The following LEMD3 variants were observed in gnomAD, a reference collection of about 807,000 sequenced individuals.
The protein encoded by LEMD3 is LEM domain containing 3.
In LEMD3, 33 loss-of-function variants were observed where a neutral mutation model predicts 95.2. That is an observed-to-expected ratio of 0.35 (90% CI 0.26 to 0.46). The LOEUF is 0.46. Among genes scored for constraint, LEMD3 ranks in the 20% least tolerant of loss-of-function variants. LEMD3 has a pLI of 1.00. For synonymous variants in LEMD3, 525 were observed against 474.6 expected (o/e 1.11, Z -1.38); for missense variants, 1,210 against 1,192.8 (o/e 1.01, Z -0.21).
intron 9 of LEMD3, among the ~76,000 whole-genome samples, chr12:65,241,332 T>C (rs1368786143): frequency 6.6e-6 from 1 of 152,020 alleles, no homozygotes; most frequent in East Asian, 1.9e-4. Context: ...TTTCACTTAA[T>C]GAAGCAACTT....
At position 65,184,556 on chromosome 12, in the gene LEMD3, A is replaced by G. The variant is rs150950039; in HGVS notation, c.1522+13438A>G. Among the ~76,000 whole-genome samples, 36 of 152,290 alleles carry G rather than the reference A, an allele frequency of 2.4e-4. No individual in the cohort carries two copies. The East Asian group carries it at 6.9e-3, about 29-fold the overall frequency. On this transcript the variant is annotated intron_variant, in intron 1 of 12. Transcript: ENST00000308330. Reference sequence around the variant, plus strand: ...CTTTAATTTCTGTTTTCCAACTTATACTGGCCTAAGCTTTCTGCTCTTTTA... The same window carrying G: ...CTTTAATTTCTGTTTTCCAACTTATGCTGGCCTAAGCTTTCTGCTCTTTTA...
rs1870617848 is a variant in LEMD3, at chr12:65,231,272, C to G, written c.1696-7230C>G. Among the ~76,000 whole-genome samples, 4 of 152,016 alleles carry G rather than the reference C, an allele frequency of 2.6e-5. No individual in the cohort carries two copies. In the South Asian group the frequency reaches 8.3e-4, roughly 31 times the overall value. ...CCACCATAGACGCAGTTTGTACTGT[C>G]AAAAGCAAAACAGAGAGAGCTTTAA... On this transcript the variant is annotated intron_variant, in intron 4 of 12. Coordinates refer to ENST00000308330, the MANE Select transcript of LEMD3 (RefSeq NM_014319.5).
chr12:65,191,308 G>A (rs955473549), intron 1 of LEMD3, among the ~76,000 whole-genome samples: 3 of 151,984 alleles, frequency 2.0e-5, no homozygotes, highest in Non-Finnish European at 2.9e-5. Flanking sequence ...GCTATGATAA[G>A]AATTTATTAT....
intron 1 of LEMD3, among the ~76,000 whole-genome samples, chr12:65,194,463 A>G (rs1417542441): frequency 1.3e-5 from 2 of 152,074 alleles, no homozygotes; most frequent in Admixed American, 6.6e-5. Context: ...TTGTGGATGC[A>G]ATCATAGCGG....
At chr12:65,181,636 T>A (rs1306510078) in intron 1 of LEMD3, among the ~76,000 whole-genome samples, 2 of 152,160 alleles carry the variant, frequency 1.3e-5, no homozygotes, top group Non-Finnish European at 2.9e-5. Context: ...AATAGTTGGC[T>A]AATTGAAGTA....
At chr12:65,192,592 A>G (rs1196109260) in intron 1 of LEMD3, among the ~76,000 whole-genome samples, 1 of 151,928 alleles carries the variant, frequency 6.6e-6, no homozygotes, top group Non-Finnish European at 1.5e-5. Context: ...TGTTTACCTT[A>G]TTATTTCTAG....
In LEMD3 at chr12:65,243,480, T is replaced by C. The variant is rs1870995598; in HGVS notation, c.2387+11T>C. The C allele has an allele frequency of 2.1e-6, 3 of 1,444,916 alleles. No homozygotes were observed. Among genetic ancestry groups the C allele is most frequent in the South Asian group, 2.3e-5 (2 of 87,544 alleles). 89.5% of individuals were successfully genotyped at this position (1,444,916 alleles called of 1,614,324 possible). A position where few individuals can be genotyped will look rare whatever the true frequency, so the allele number is the denominator to read the frequency against. On this transcript the variant is annotated intron_variant, in intron 10 of 12. Transcript: ENST00000308330. The stretch of plus-strand genomic sequence containing the variant: ...GTTTGATCCCGTTATGTAAGTATTA[T>C]GATCAGGGGTACATGTAACTCTTAT...
chr12:65,228,589 G>A (rs560886387), intron 4 of LEMD3, among the ~76,000 whole-genome samples: 4 of 151,840 alleles, frequency 2.6e-5, no homozygotes, highest in Non-Finnish European at 5.9e-5. Context: ...GTAGAGACAG[G>A]GTTTCACCAT....
chr12:65,171,130 A>G lies in LEMD3; in HGVS notation c.1522+12A>G, dbSNP rs1012975927. 3 of 1,607,808 alleles carry G rather than the reference A, an allele frequency of 1.9e-6. No homozygotes were observed. The highest frequency in any genetic ancestry group is 2.5e-6 in the Non-Finnish European group (3 of 1,180,010). Reference sequence around the variant, plus strand: ...TGGAGAACTCAGCAGTAAGTATTAAATCCTGTGGGTAAGGTAACAAAGAGA... The same window carrying G: ...TGGAGAACTCAGCAGTAAGTATTAAGTCCTGTGGGTAAGGTAACAAAGAGA... On this transcript the variant is annotated intron_variant, in intron 1 of 12. Transcript: ENST00000308330.
Position 65,245,724 on chromosome 12 carries a change from A to G in LEMD3, c.2443A>G (p.Ser815Gly). ...TCAAGAAGCAATTTTAGAAAAATGC[A>G]GTGATAATGATGGCATTGTTCACAT... is the stretch of plus-strand genomic sequence containing the variant. Reference protein sequence around the residue: ...AIQEAILEKCSDNDGIVHIAV... With the variant: ...AIQEAILEKCGDNDGIVHIAV... The change falls in exon 11 of 13, where the codon AGT (serine) becomes GGT (glycine). Residue 815 changes from serine (S) to glycine (G), a missense_variant. Ser to Gly is a moderately conservative substitution (Grantham distance 56). Coordinates refer to ENST00000308330, the MANE Select transcript of LEMD3 (RefSeq NM_014319.5). The G allele has an allele frequency of 1.2e-6, 2 of 1,613,982 alleles. No individual in the cohort carries two copies. Among genetic ancestry groups the G allele is most frequent in the Non-Finnish European group, 1.7e-6 (2 of 1,179,904 alleles).
At position 65,170,704 on chromosome 12, in the gene LEMD3, C is replaced by A. The variant is rs200288324; in HGVS notation, c.1108C>A (p.Pro370Thr). 7.2e-5 allele frequency: 117 copies of A among 1,614,120 alleles called. No homozygotes were observed. Among genetic ancestry groups the A allele is most frequent in the Non-Finnish European group, 9.4e-5 (111 of 1,180,046 alleles). ...NAKKLTPLLPPPLTDMDSTLD... is the reference protein window; with the variant it reads ...NAKKLTPLLPTPLTDMDSTLD... The stretch of plus-strand genomic sequence containing the variant: ...TAAGAAACTGACCCCTCTCCTGCCC[C>A]CGCCACTTACTGACATGGACTCAAC... Residue 370 changes from proline to threonine, a missense_variant, in exon 1 of 13, where the codon CCG (proline) becomes ACG (threonine). This residue lies in a region of LEMD3 where 749 missense variants were observed against 622.9 expected (regional missense o/e 1.20). Transcript: ENST00000308330.
At chr12:65,205,730 G>A (rs1213824321) in intron 1 of LEMD3, among the ~76,000 whole-genome samples, 1 of 152,042 alleles carries the variant, frequency 6.6e-6, no homozygotes, top group African/African-American at 2.4e-5. Context: ...ATCTAGGTTT[G>A]TATCTCGAAA....
intron 4 of LEMD3, among the ~76,000 whole-genome samples, chr12:65,237,220 G>C (rs1424015119): frequency 6.6e-6 from 1 of 152,078 alleles, no homozygotes; most frequent in African/African-American, 2.4e-5. Context: ...CATTCAATGA[G>C]AACAGTGGCA....
Position 65,245,735 on chromosome 12 carries a change from T to C in LEMD3, c.2454T>C (p.Asp818=). The C allele has an allele frequency of 1.2e-6, 2 of 1,613,870 alleles. No homozygotes were observed. Among genetic ancestry groups the C allele is most frequent in the Non-Finnish European group, 1.7e-6 (2 of 1,179,800 alleles). The change falls in exon 11 of 13, where the codon GAT becomes GAC. Residue 818 remains aspartate (D), a synonymous_variant. Coordinates refer to ENST00000308330, the MANE Select transcript of LEMD3 (RefSeq NM_014319.5). The part of the protein sequence containing the change: ...EAILEKCSDN[D]GIVHIAVDKN... Reference sequence around the variant, plus strand: ...TTTTAGAAAAATGCAGTGATAATGATGGCATTGTTCACATTGCAGTAGACA... The same window carrying C: ...TTTTAGAAAAATGCAGTGATAATGACGGCATTGTTCACATTGCAGTAGACA...
At chr12:65,229,055 G>A (rs1398979233) in intron 4 of LEMD3, among the ~76,000 whole-genome samples, 2 of 152,126 alleles carry the variant, frequency 1.3e-5, no homozygotes, top group East Asian at 3.9e-4. Flanking sequence ...CAACTTTTTA[G>A]TTTCCCCAAA....
chr12:65,227,991 A>G (rs893049177), intron 4 of LEMD3, among the ~76,000 whole-genome samples: 3 of 152,154 alleles, frequency 2.0e-5, no homozygotes, highest in African/African-American at 7.2e-5. Context: ...ACCCATGGAT[A>G]AAAGGACTGA....
chr12:65,206,012 T>C (rs1869752336), intron 1 of LEMD3, among the ~76,000 whole-genome samples: 1 of 152,172 alleles, frequency 6.6e-6, no homozygotes, highest in African/African-American at 2.4e-5. Context: ...TAATGCTATG[T>C]TGCAAAAACA....
rs770203447 is a variant in LEMD3 at position 65,237,276 on chromosome 12, G to A, written c.1696-1226G>A. On this transcript the variant is annotated intron_variant, in intron 4 of 12. Transcript: ENST00000308330. The stretch of plus-strand genomic sequence containing the variant: ...CTCTTAAATGTGTAGCTTAATAAAA[G>A]GTGACTGGATTCTTATCTGCTTCTT... Among the ~76,000 whole-genome samples, 10 of 152,174 alleles carry A rather than the reference G, an allele frequency of 6.6e-5. 3 individuals carry two copies. The highest frequency in any genetic ancestry group is 5.2e-4 in the Admixed American group (8 of 15,290).
chr12:65,239,799 T>G (rs1870876344), intron 6 of LEMD3, 130 bp from the exon 7 acceptor site: 1 of 642,872 alleles, frequency 1.6e-6, no homozygotes, highest in African/African-American at 1.8e-5. Flanking sequence ...TTATGTAGTT[T>G]TAATTATATA....
Sources: allele counts gnomAD v4.1 joint callset (sites outside exome capture counted in the v4.1 genomes callset), GRCh38; gene constraint gnomAD v4.1.1; regional missense constraint gnomAD v4.1.1; transcripts MANE v1.5; gene names NCBI Gene and HGNC (gene_info 2026-07-23, HGNC 2026-07-21).